ACO2: variants seen among roughly 807,000 people sequenced by gnomAD.
ACO2 encodes the protein aconitate hydratase, mitochondrial.
ACO2 carries 31 observed loss-of-function variants against 84.5 expected under a neutral mutation model. The observed-to-expected ratio is 0.37, with a 90% confidence interval of 0.28 to 0.50. The LOEUF is 0.50. Among genes scored for constraint, ACO2 ranks in the 20% least tolerant of loss-of-function variants. ACO2 has a pLI of 0.97. For synonymous variants in ACO2, 414 were observed against 412.7 expected (o/e 1.00, Z -0.04); for missense variants, 685 against 1,029.3 (o/e 0.67, Z 4.58).
chr22:41,502,497 C>A (rs1338653321), intron 2 of ACO2, among the ~76,000 whole-genome samples: 2 of 152,228 alleles, frequency 1.3e-5, no homozygotes, highest in Non-Finnish European at 2.9e-5. Flanking sequence ...GGAGCTCTCA[C>A]ACCGCTGCTC....
intron 1 of ACO2, among the ~76,000 whole-genome samples, chr22:41,493,449 C>T (rs1261202547): frequency 6.6e-6 from 1 of 152,212 alleles, no homozygotes; most frequent in East Asian, 1.9e-4. Flanking sequence ...CCTCTCACTG[C>T]TCTGAAGCCA....
intron 1 of ACO2, among the ~76,000 whole-genome samples, chr22:41,498,420 T>C (rs1432996995): frequency 6.6e-6 from 1 of 152,192 alleles, no homozygotes; most frequent in Non-Finnish European, 1.5e-5. Context: ...AACAAGCATT[T>C]ATCTCATATT....
In ACO2 at chr22:41,469,441, A is replaced by C. The variant is rs1252738462; in HGVS notation, c.36+259A>C. ...GCAGCGGCGGCCGGGTGAAGAGCGG[A>C]GGCACCTCTTTCTTCTTTTTGAGGA... On this transcript the variant is annotated intron_variant, in intron 1 of 17. Coordinates refer to ENST00000216254, the MANE Select transcript of ACO2 (RefSeq NM_001098.3). 4 of 459,408 alleles carry C rather than the reference A, an allele frequency of 8.7e-6. No individual in the cohort carries two copies. In the South Asian group the frequency reaches 1.1e-4, roughly 12 times the overall value. The allele number at this position is 459,408 out of a possible 1,614,324, so 28.5% of individuals were successfully genotyped here. A position where few individuals can be genotyped will look rare whatever the true frequency, so the allele number is the denominator to read the frequency against.
rs1172033809 is a variant in ACO2 at position 41,526,485 on chromosome 22, G to C, written c.1953+32G>C. ...CAGAGTTGATAGGGGCAATGCCAGT[G>C]GTCACTCCTGAAGGGGCCTGCAAGG... On this transcript the variant is annotated intron_variant, in intron 15 of 17. Coordinates refer to ENST00000216254, the MANE Select transcript of ACO2 (RefSeq NM_001098.3). 1.9e-6 allele frequency: 3 copies of C among 1,571,640 alleles called. 1 individual carries two copies. The highest frequency in any genetic ancestry group is 2.3e-5 in the South Asian group (2 of 87,894).
chr22:41,470,235 A>G (rs1277209702), intron 1 of ACO2, among the ~76,000 whole-genome samples: 3 of 152,200 alleles, frequency 2.0e-5, no homozygotes, highest in Non-Finnish European at 2.9e-5. Context: ...ATCTGTAGAC[A>G]TTCTCTGTCA....
Position 41,511,879 on chromosome 22 carries a change from A to T in ACO2, c.436A>T (p.Ile146Phe). ...GEKDLRRAKD[I>F]NQEVYNFLAT... ...AATTATTGATTTGTCTCAATAGGAC[A>T]TCAACCAGGAAGTTTATAATTTCCT... The change falls in exon 4 of 18, where the codon ATC becomes TTC. Residue 146 changes from isoleucine to phenylalanine, a missense_variant. Physicochemically the swap from Ile to Phe is conservative, Grantham distance 21. Coordinates refer to ENST00000216254, the MANE Select transcript of ACO2 (RefSeq NM_001098.3). 1.2e-6 allele frequency: 2 copies of T among 1,607,494 alleles called. No homozygotes were observed. The highest frequency in any genetic ancestry group is 1.7e-6 in the Non-Finnish European group (2 of 1,177,570).
At chr22:41,487,040 C>T (rs1013428116) in intron 1 of ACO2, among the ~76,000 whole-genome samples, 4 of 152,120 alleles carry the variant, frequency 2.6e-5, no homozygotes, top group Non-Finnish European at 4.4e-5. Flanking sequence ...CCCACCACTA[C>T]GTCCGGCTAA....
intron 2 of ACO2, 107 bp from the exon 3 acceptor site, chr22:41,507,684 T>G: frequency 2.7e-6 from 4 of 1,472,826 alleles, no homozygotes; most frequent in Non-Finnish European, 2.7e-6. Context: ...TCAGACTCCC[T>G]GTCCCTGGCC....
chr22:41,491,172 C>T (rs1433376759), intron 1 of ACO2, among the ~76,000 whole-genome samples: 1 of 151,832 alleles, frequency 6.6e-6, no homozygotes, highest in Non-Finnish European at 1.5e-5. Flanking sequence ...AGAAGAAAAA[C>T]TGCATCTGTA....
intron 9 of ACO2, 150 bp from the exon 10 acceptor site, chr22:41,522,680 G>A (rs954510645): frequency 5.1e-6 from 4 of 791,376 alleles, no homozygotes; most frequent in Non-Finnish European, 5.9e-6. Flanking sequence ...GGATATTTCG[G>A]TTGCTTGCAA....
rs1481027574 is a variant in ACO2 at position 41,517,485 on chromosome 22, GC to G, written c.836-39del. 3 of 1,562,008 alleles carry G rather than the reference GC, an allele frequency of 1.9e-6. No individual in the cohort carries two copies. The Admixed American group carries it at 5.0e-5, about 26-fold the overall frequency. On this transcript the variant is annotated intron_variant, in intron 6 of 17. Transcript: ENST00000216254. ...CGCGTAGCAGGTGTGTGGGACCCTG[GC>G]CCGGCCACCAGCCAATGCCCGGGGC... is the stretch of plus-strand genomic sequence containing the variant.
intron 1 of ACO2, among the ~76,000 whole-genome samples, chr22:41,485,635 G>A (rs1298936012): frequency 6.6e-6 from 1 of 151,712 alleles, no homozygotes; most frequent in African/African-American, 2.4e-5. Flanking sequence ...AGTAGAGATG[G>A]GGTTTCACTG....
chr22:41,474,129 G>A lies in ACO2; in HGVS notation c.36+4947G>A, dbSNP rs941880742. Reference sequence around the variant, plus strand: ...GGAGTCTGGGACTAGGGATCTGGGGGGTGGAGATAATGAGATGTATTCAAA... The same window carrying A: ...GGAGTCTGGGACTAGGGATCTGGGGAGTGGAGATAATGAGATGTATTCAAA... On this transcript the variant is annotated intron_variant, in intron 1 of 17. Transcript: ENST00000216254. 2.0e-5 allele frequency among the ~76,000 whole-genome samples: 3 copies of A among 152,048 alleles called. No homozygotes were observed. In the South Asian group the frequency reaches 6.2e-4, roughly 32 times the overall value.
chr22:41,523,340 T>C lies in ACO2; in HGVS notation c.1370+62T>C, dbSNP rs1383083229. ...GCACAGGGTACAGAGCCCCAGAAGT[T>C]GGAGGGGGAATTATTGGGGTGGAGA... is the stretch of plus-strand genomic sequence containing the variant. On this transcript the variant is annotated intron_variant, in intron 11 of 17. Coordinates refer to ENST00000216254, the MANE Select transcript of ACO2 (RefSeq NM_001098.3). The C allele has an allele frequency of 6.0e-6, 8 of 1,336,048 alleles. No individual in the cohort carries two copies. In the Admixed American group the frequency reaches 1.5e-4, roughly 25 times the overall value. The allele number at this position is 1,336,048 out of a possible 1,614,324, so 82.8% of individuals were successfully genotyped here.
intron 1 of ACO2, among the ~76,000 whole-genome samples, chr22:41,483,800 G>A (rs916412230): frequency 6.6e-6 from 1 of 152,070 alleles, no homozygotes; most frequent in Non-Finnish European, 1.5e-5. Flanking sequence ...AGATACTTGA[G>A]GATGTGTTCT....
At chr22:41,472,983 A>G (rs775812115) in intron 1 of ACO2, among the ~76,000 whole-genome samples, 1 of 152,258 alleles carries the variant, frequency 6.6e-6, no homozygotes, top group African/African-American at 2.4e-5. Flanking sequence ...TATTTGGCAG[A>G]AACTCTGTGC....
At chr22:41,493,374 A>G (rs1194909690) in intron 1 of ACO2, among the ~76,000 whole-genome samples, 2 of 152,094 alleles carry the variant, frequency 1.3e-5, no homozygotes, top group East Asian at 3.8e-4. Context: ...AAAAAAATAC[A>G]GGGTAAGCAT....
intron 1 of ACO2, among the ~76,000 whole-genome samples, chr22:41,478,151 AC>A (rs574907431): frequency 2.6e-3 from 390 of 151,852 alleles, no homozygotes; most frequent in African/African-American, 8.9e-3. Flanking sequence ...GTTCAAGGAA[AC>A]CTTTTTTTCA....
chr22:41,478,392 C>T (rs2038045576), intron 1 of ACO2, among the ~76,000 whole-genome samples: 2 of 152,126 alleles, frequency 1.3e-5, no homozygotes, highest in Non-Finnish European at 2.9e-5. Context: ...GGTCCAGCTG[C>T]CCCAGCTTCC....
Sources: allele counts gnomAD v4.1 joint callset (sites outside exome capture counted in the v4.1 genomes callset), GRCh38; gene constraint gnomAD v4.1.1; transcripts MANE v1.5; gene names NCBI Gene and HGNC (gene_info 2026-07-23, HGNC 2026-07-21).